Variants in TTC12 observed in about 807,000 individuals in gnomAD.
TTC12 encodes the protein tetratricopeptide repeat protein 12.
In TTC12, 70 loss-of-function variants were observed where a neutral mutation model predicts 90.1. That is an observed-to-expected ratio of 0.78 (90% CI 0.64 to 0.95). The LOEUF (loss-of-function observed/expected upper bound fraction) is 0.95. Among genes scored for constraint, TTC12 ranks in the 40% least tolerant of loss-of-function variants. The pLI is 0.00. For missense variants in TTC12, 819 were observed against 846.1 expected (o/e 0.97, Z 0.40); for synonymous variants, 296 against 311.5 (o/e 0.95, Z 0.53).
chr11:113,319,080 G>C (rs1425114511), intron 2 of TTC12, among the ~76,000 whole-genome samples: 5 of 152,144 alleles, frequency 3.3e-5, no homozygotes, highest in African/African-American at 1.2e-4. Flanking sequence ...GGAAAAGGTT[G>C]GCAAACACAA....
chr11:113,315,892 T>A (rs561769085), intron 1 of TTC12: 1 of 173,956 alleles, frequency 5.7e-6, no homozygotes, highest in Admixed American at 6.3e-5. Flanking sequence ...AGTCAGGTGT[T>A]AGTGTATTTC....
chr11:113,365,004 G>A lies in TTC12; in HGVS notation c.1986G>A (p.Thr662=), dbSNP rs758465361. 34 of 1,614,028 alleles carry A rather than the reference G, an allele frequency of 2.1e-5. No homozygotes were observed. The highest frequency in any genetic ancestry group is 2.0e-4 in the East Asian group (9 of 44,888). Residue 662 remains threonine (T), a synonymous_variant, in exon 21 of 22, where the codon ACG becomes ACA. Coordinates refer to ENST00000529221, the MANE Select transcript of TTC12 (RefSeq NM_017868.4). ...LKLAGSDTQK[T]AVQVNAGIAL... ...TTGCAGGCAGTGACACACAGAAGAC[G>A]GCCGTGCAGGTGAACGCAGGCATTG... is the stretch of plus-strand genomic sequence containing the variant.
At chr11:113,365,257 T>A (rs1298881869) in intron 21 of TTC12, among the ~76,000 whole-genome samples, 197 bp downstream of exon 21, 1 of 152,164 alleles carries the variant, frequency 6.6e-6, no homozygotes, top group African/African-American at 2.4e-5. Flanking sequence ...GCTCTCGGTC[T>A]CCAACCAGAG....
At chr11:113,349,753 G>C (rs1949161682) in intron 13 of TTC12, among the ~76,000 whole-genome samples, 1 of 152,192 alleles carries the variant, frequency 6.6e-6, no homozygotes, top group African/African-American at 2.4e-5. Context: ...TGTCATCTAA[G>C]TTAATGAACC....
In TTC12 at chr11:113,336,825, A is replaced by G. The variant is rs527855189; in HGVS notation, c.576+1788A>G. ...CTACTTTTTCAAGATTGTTTTAACT[A>G]TTCTGGTGCTCTCAAATTTCTATAT... On this transcript the variant is annotated intron_variant, in intron 8 of 21. Transcript: ENST00000529221. 5.3e-5 allele frequency among the ~76,000 whole-genome samples: 8 copies of G among 152,284 alleles called. No homozygotes were observed. In the South Asian group the frequency reaches 1.7e-3, roughly 32 times the overall value.
chr11:113,320,805 G>C (rs1339569149), intron 2 of TTC12, among the ~76,000 whole-genome samples: 1 of 152,198 alleles, frequency 6.6e-6, no homozygotes, highest in Non-Finnish European at 1.5e-5. Context: ...TCAGGGGTTT[G>C]AGCAGTGGTG....
At chr11:113,350,810 C>T (rs1477207854) in intron 14 of TTC12, among the ~76,000 whole-genome samples, 1 of 152,210 alleles carries the variant, frequency 6.6e-6, no homozygotes, top group Non-Finnish European at 1.5e-5. Context: ...TGGCACGGGC[C>T]GGGGTATGGA....
chr11:113,343,216 T>C (rs1283155920), intron 12 of TTC12, among the ~76,000 whole-genome samples: 3 of 152,152 alleles, frequency 2.0e-5, no homozygotes, highest in Non-Finnish European at 4.4e-5. Context: ...ACATTATTTA[T>C]ATGAGGGGTG....
intron 16 of TTC12, among the ~76,000 whole-genome samples, chr11:113,356,010 C>T (rs1249898229): frequency 1.3e-5 from 2 of 152,156 alleles, no homozygotes; most frequent in African/African-American, 4.8e-5. Flanking sequence ...GATTTTCTAT[C>T]TCAGTGATCT....
At chr11:113,336,198 G>C (rs147193317) in intron 8 of TTC12, among the ~76,000 whole-genome samples, 1 of 151,962 alleles carries the variant, frequency 6.6e-6, no homozygotes, top group Non-Finnish European at 1.5e-5. Context: ...TCATGTACTT[G>C]TTGGCCATTT....
At chr11:113,345,487 C>T (rs185039541) in intron 13 of TTC12, among the ~76,000 whole-genome samples, 298 of 152,324 alleles carry the variant, frequency 2.0e-3, no homozygotes, top group African/African-American at 6.7e-3. Flanking sequence ...CTACAACTGG[C>T]TCCTGTTCCT....
chr11:113,333,540 CT>C (rs1555143144), intron 7 of TTC12, among the ~76,000 whole-genome samples: 1 of 152,084 alleles, frequency 6.6e-6, no homozygotes, highest in Admixed American at 6.5e-5. Flanking sequence ...AATTCCAGCT[CT>C]TCCGCTTGTT....
At chr11:113,334,112 C>T (rs572785356) in intron 7 of TTC12, among the ~76,000 whole-genome samples, 5 of 152,302 alleles carry the variant, frequency 3.3e-5, no homozygotes, top group South Asian at 2.1e-4. Context: ...GGATCCACCC[C>T]GGGACATTTT....
chr11:113,368,685 GA>G, downstream of TTC12: 1 of 627,328 alleles, frequency 1.6e-6, no homozygotes, highest in Non-Finnish European at 2.9e-6. Context: ...GAAACAATAG[GA>G]AGGGGCTGAG....
chr11:113,316,665 T>G (rs1555135796), intron 2 of TTC12, among the ~76,000 whole-genome samples: 1 of 152,226 alleles, frequency 6.6e-6, no homozygotes, highest in African/African-American at 2.4e-5. Flanking sequence ...TTGATCAGTG[T>G]GAGATTCCTC....
At chr11:113,348,395 A>G (rs530530618) in intron 13 of TTC12, among the ~76,000 whole-genome samples, 9 of 152,138 alleles carry the variant, frequency 5.9e-5, no homozygotes, top group Admixed American at 1.3e-4. Flanking sequence ...ACTGTCTCCA[A>G]TCATTTCTTC....
intron 16 of TTC12, among the ~76,000 whole-genome samples, chr11:113,355,627 C>T (rs1565619596): frequency 6.6e-6 from 1 of 152,170 alleles, no homozygotes; most frequent in Non-Finnish European, 1.5e-5. Flanking sequence ...TCCCTCTTAA[C>T]ACTACCTTAC....
At chr11:113,364,075 A>T in intron 20 of TTC12, 148 bp downstream of exon 20, 1 of 605,596 alleles carries the variant, frequency 1.7e-6, no homozygotes. Flanking sequence ...GATGTTTCAC[A>T]TCCAGATCTG....
Position 113,364,818 on chromosome 11 carries a change from C to G in TTC12, c.1817-17C>G. Reference sequence around the variant, plus strand: ...GGATTAAAAGGAGCTGTTGCTTGTTCTCTTCTTTCCCTGCAGAGTTGAGCG... The same window carrying G: ...GGATTAAAAGGAGCTGTTGCTTGTTGTCTTCTTTCCCTGCAGAGTTGAGCG... On this transcript the variant is annotated splice_polypyrimidine_tract_variant and intron_variant, in intron 20 of 21. Transcript: ENST00000529221. 6.2e-7 allele frequency: 1 copy of G among 1,611,062 alleles called. No homozygotes were observed.
Sources: gnomAD v4.1 joint callset for allele counts (sites outside exome capture counted in the v4.1 genomes callset) on GRCh38, gnomAD v4.1.1 for gene constraint, MANE v1.5 for transcripts, NCBI Gene and HGNC (gene_info 2026-07-23, HGNC 2026-07-21) for gene names.